Variants in THSD7B observed in about 807,000 individuals in gnomAD.
THSD7B encodes the protein thrombospondin type-1 domain-containing protein 7B.
THSD7B carries 138 observed loss-of-function variants against 213.6 expected under a neutral mutation model. That is an observed-to-expected ratio of 0.65 (90% CI 0.56 to 0.74). The LOEUF is 0.74. THSD7B is among the 30% of genes least tolerant of loss of function. THSD7B has a pLI of 0.00. For missense variants in THSD7B, 1,931 were observed against 1,991.5 expected, an observed-to-expected ratio of 0.97 and a Z score of 0.58; for synonymous variants, 742 against 687.0, an observed-to-expected ratio of 1.08 and a Z score of -1.25.
intron 15 of THSD7B, among the ~76,000 whole-genome samples, chr2:137,512,715 C>A (rs956685983): frequency 1.3e-5 from 2 of 151,858 alleles, no homozygotes; most frequent in African/African-American, 4.8e-5. Context: ...TTTTAAAGGA[C>A]CCTGAAAAGC....
chr2:137,479,827 T>C (rs1465044542), intron 15 of THSD7B, among the ~76,000 whole-genome samples: 2 of 152,158 alleles, frequency 1.3e-5, no homozygotes, highest in Non-Finnish European at 2.9e-5. Context: ...TGCTATGCTG[T>C]AGCTGTAGCT....
At chr2:137,044,223 A>G (rs746687690) in intron 2 of THSD7B, among the ~76,000 whole-genome samples, 3 of 152,080 alleles carry the variant, frequency 2.0e-5, no homozygotes, top group African/African-American at 2.4e-5. Context: ...CATATCAACA[A>G]TCTCTAAAAA....
chr2:137,019,484 G>A (rs1686402979), intron 2 of THSD7B, among the ~76,000 whole-genome samples: 1 of 152,160 alleles, frequency 6.6e-6, no homozygotes, highest in African/African-American at 2.4e-5. Flanking sequence ...TGTGTTTCTA[G>A]CATGCTGCTG....
intron 2 of THSD7B, among the ~76,000 whole-genome samples, chr2:136,886,989 A>G (rs1311788620): frequency 6.6e-6 from 1 of 152,206 alleles, no homozygotes; most frequent in Non-Finnish European, 1.5e-5. Context: ...TGAAGAGATT[A>G]GCTTGAAATT....
At chr2:137,339,833 T>C (rs1428453919) in intron 12 of THSD7B, among the ~76,000 whole-genome samples, 1 of 151,646 alleles carries the variant, frequency 6.6e-6, no homozygotes, top group Admixed American at 6.6e-5. Context: ...TTTAACTATG[T>C]AGAGAAGCAG....
At chr2:137,568,020 A>T (rs549477189) in intron 16 of THSD7B, among the ~76,000 whole-genome samples, 1 of 152,280 alleles carries the variant, frequency 6.6e-6, no homozygotes, top group Admixed American at 6.5e-5. Context: ...AAATGAGAAG[A>T]TGGACAAGTG....
intron 12 of THSD7B, among the ~76,000 whole-genome samples, chr2:137,328,986 G>A (rs1684432133): frequency 6.6e-6 from 1 of 152,160 alleles, no homozygotes; most frequent in Admixed American, 6.5e-5. Flanking sequence ...AGCAGTGTGA[G>A]AATGGACTAA....
In THSD7B at chr2:137,071,025, G is replaced by T. The variant is rs377518236; in HGVS notation, c.950+13795G>T. 5.3e-4 allele frequency among the ~76,000 whole-genome samples: 81 copies of T among 152,222 alleles called. No homozygotes were observed. The East Asian group carries it at 0.013, about 25-fold the overall frequency. On this transcript the variant is annotated intron_variant, in intron 3 of 27. Transcript: ENST00000409968. ...GTGAATAGTGCCGCTATAAACATACGTGTGCATGTGTCTTTATAGCAGCAT... is the reference window on the plus strand; with the variant it reads ...GTGAATAGTGCCGCTATAAACATACTTGTGCATGTGTCTTTATAGCAGCAT...
chr2:136,819,688 C>G (rs185325596), intron 1 of THSD7B, among the ~76,000 whole-genome samples: 7 of 147,086 alleles, frequency 4.8e-5, no homozygotes, highest in African/African-American at 1.6e-4. Flanking sequence ...TTGCTTATGC[C>G]CCCCCCAGTC....
rs145760595 is a variant in THSD7B at position 137,641,310 on chromosome 2, G to A, written c.3800-1178G>A. Reference sequence around the variant, plus strand: ...TCACGTGCTCCCTCCTCTGTGTGGCGTACTCTCTCTGCACATCATGTCTGA... The same window carrying A: ...TCACGTGCTCCCTCCTCTGTGTGGCATACTCTCTCTGCACATCATGTCTGA... On this transcript the variant is annotated intron_variant, in intron 20 of 27. Transcript: ENST00000409968. Among the ~76,000 whole-genome samples the A allele has an allele frequency of 1.9e-3, 292 of 152,162 alleles. 1 individual carries two copies. Among genetic ancestry groups the A allele is most frequent in the African/African-American group, 6.5e-3 (271 of 41,524 alleles).
At chr2:136,896,651 C>T (rs1477847572) in intron 2 of THSD7B, among the ~76,000 whole-genome samples, 1 of 151,968 alleles carries the variant, frequency 6.6e-6, no homozygotes, top group Non-Finnish European at 1.5e-5. Context: ...TCTCCTATGT[C>T]GTCTTCTAAA....
At chr2:137,557,330 A>C (rs10180378) in intron 15 of THSD7B, among the ~76,000 whole-genome samples, 71,284 of 151,950 alleles carry the variant, frequency 0.47, 17,140 homozygotes, top group South Asian at 0.66. Context: ...AACAGAAATT[A>C]TAACAAACTG....
At chr2:137,289,929 C>CT (rs1489753159) in intron 12 of THSD7B, among the ~76,000 whole-genome samples, 3 of 151,892 alleles carry the variant, frequency 2.0e-5, no homozygotes, top group African/African-American at 7.3e-5. Flanking sequence ...AAAGAAAATC[C>CT]TTTTTTCTTT....
chr2:136,822,491 C>G (rs2104939030), intron 1 of THSD7B, among the ~76,000 whole-genome samples: 1 of 152,238 alleles, frequency 6.6e-6, no homozygotes, highest in East Asian at 1.9e-4. Flanking sequence ...GTCATTTAGT[C>G]CTTAGATTAA....
At chr2:137,103,109 A>AG (rs1688181538) in intron 4 of THSD7B, among the ~76,000 whole-genome samples, 1 of 152,226 alleles carries the variant, frequency 6.6e-6, no homozygotes, top group African/African-American at 2.4e-5. Flanking sequence ...GTTGAAATGA[A>AG]GGAAAAAATG....
chr2:137,652,692 C>T (rs777831638), intron 21 of THSD7B, among the ~76,000 whole-genome samples: 2 of 152,070 alleles, frequency 1.3e-5, no homozygotes, highest in South Asian at 2.1e-4. Flanking sequence ...TAATTTGTTG[C>T]GTTTTACTTC....
rs1303233852 is a variant in THSD7B at position 137,615,591 on chromosome 2, A to G, written c.3424-584A>G. Among the ~76,000 whole-genome samples, 3 of 152,220 alleles carry G rather than the reference A, an allele frequency of 2.0e-5. No individual in the cohort carries two copies. In the South Asian group the frequency reaches 6.2e-4, roughly 31 times the overall value. On this transcript the variant is annotated intron_variant, in intron 17 of 27. Transcript: ENST00000409968. ...ATATCTTTGGAGTTCACATTTTCACATTAATTTTGCCAGAAGGGCAACAGC... is the reference window on the plus strand; with the variant it reads ...ATATCTTTGGAGTTCACATTTTCACGTTAATTTTGCCAGAAGGGCAACAGC...
At chr2:137,094,755 C>A (rs954270170) in intron 3 of THSD7B, 118 bp from the exon 4 acceptor site, 4 of 1,307,568 alleles carry the variant, frequency 3.1e-6, no homozygotes, top group African/African-American at 3.0e-5. Flanking sequence ...TTTTAAAAAT[C>A]TTCCTATTAA....
At chr2:137,004,651 G>T (rs1000424308) in intron 2 of THSD7B, among the ~76,000 whole-genome samples, 14 of 152,118 alleles carry the variant, frequency 9.2e-5, no homozygotes, top group Admixed American at 9.2e-4. Context: ...GTGTGTGTTT[G>T]GATAAATGTT....
Sources: gnomAD v4.1 joint callset for allele counts (sites outside exome capture counted in the v4.1 genomes callset) on GRCh38, gnomAD v4.1.1 for gene constraint, MANE v1.5 for transcripts, NCBI Gene and HGNC (gene_info 2026-07-23, HGNC 2026-07-21) for gene names.